Variants in APBB2 observed in about 807,000 individuals in gnomAD.
APBB2 encodes the protein amyloid beta precursor protein binding family B member 2.
A neutral mutation model predicts 82.5 loss-of-function variants in APBB2; 38 were observed. The observed-to-expected ratio is 0.46, with a 90% CI of 0.36 to 0.60. APBB2 has a LOEUF of 0.60. Among genes scored for constraint, APBB2 ranks in the 20% least tolerant of loss-of-function variants. APBB2 has a pLI of 0.00. For missense variants in APBB2, 772 were observed against 972.3 expected, an observed-to-expected ratio of 0.79 and a Z score of 2.74; for synonymous variants, 341 against 368.2, an observed-to-expected ratio of 0.93 and a Z score of 0.85.
At chr4:41,024,966 C>T (rs764413181) in intron 5 of APBB2, among the ~76,000 whole-genome samples, 50 of 152,328 alleles carry the variant, frequency 3.3e-4, no homozygotes, top group Admixed American at 2.2e-3. Context: ...CTTGCTTTCA[C>T]GCCACTACGA....
At chr4:41,015,582 G>A (rs769968203) in intron 5 of APBB2, among the ~76,000 whole-genome samples, 10 of 152,122 alleles carry the variant, frequency 6.6e-5, no homozygotes, top group Non-Finnish European at 1.0e-4. Context: ...CTTAGGTTGG[G>A]CAATTTTAGA....
At chr4:40,964,994 C>G (rs6840631) in intron 6 of APBB2, among the ~76,000 whole-genome samples, 35,748 of 151,892 alleles carry the variant, frequency 0.24, 4,527 homozygotes, top group Non-Finnish European at 0.26. Context: ...GTGGCACGTG[C>G]CTGTAGTCCC....
At chr4:41,058,619 T>G (rs554191414) in intron 4 of APBB2, among the ~76,000 whole-genome samples, 2 of 152,310 alleles carry the variant, frequency 1.3e-5, no homozygotes, top group African/African-American at 4.8e-5. Context: ...GATAAGACTA[T>G]GCTACACTAC....
intron 5 of APBB2, among the ~76,000 whole-genome samples, chr4:41,020,983 C>G (rs1811328820): frequency 6.6e-6 from 1 of 152,218 alleles, no homozygotes; most frequent in Non-Finnish European, 1.5e-5. Context: ...CTTTCAAACT[C>G]TTATACCAAC....
chr4:40,936,857 G>A (rs1339030153), intron 7 of APBB2, among the ~76,000 whole-genome samples: 3 of 152,136 alleles, frequency 2.0e-5, no homozygotes, highest in Non-Finnish European at 1.5e-5. Context: ...ATCTTAACCT[G>A]TTAGCTCGGA....
At chr4:41,155,204 T>G (rs1214374334) in intron 1 of APBB2, among the ~76,000 whole-genome samples, 1 of 152,250 alleles carries the variant, frequency 6.6e-6, no homozygotes, top group Non-Finnish European at 1.5e-5. Context: ...TTTCTCAAAT[T>G]CTGAAACCTA....
intron 3 of APBB2, among the ~76,000 whole-genome samples, chr4:41,094,762 G>A (rs984515894): frequency 1.3e-5 from 2 of 151,968 alleles, no homozygotes; most frequent in African/African-American, 4.8e-5. Context: ...ACGGGGTTTC[G>A]CTATGTTGGC....
intron 6 of APBB2, among the ~76,000 whole-genome samples, chr4:40,960,954 C>T (rs1277806536): frequency 7.2e-6 from 1 of 139,748 alleles, no homozygotes; most frequent in African/African-American, 2.8e-5. Context: ...TTCCAAGAGC[C>T]CTCCTTTAAA....
At chr4:41,143,548 GA>G (rs1759823765) in intron 1 of APBB2, among the ~76,000 whole-genome samples, 1 of 152,164 alleles carries the variant, frequency 6.6e-6, no homozygotes. Context: ...CTTAGGAACT[GA>G]AACAGAAAAT....
intron 1 of APBB2, among the ~76,000 whole-genome samples, chr4:41,188,795 T>A (rs1376683479): frequency 6.6e-6 from 1 of 152,030 alleles, no homozygotes; most frequent in Non-Finnish European, 1.5e-5. Context: ...GTGCCTGTAG[T>A]CTGGGCTACT....
chr4:41,074,271 G>T (rs3098914), intron 3 of APBB2, among the ~76,000 whole-genome samples: 46,030 of 151,930 alleles, frequency 0.3, 8,248 homozygotes, highest in African/African-American at 0.5. Flanking sequence ...AAATAATCTG[G>T]TCATTAAATC....
At chr4:41,152,103 A>C (rs1016784702) in intron 1 of APBB2, among the ~76,000 whole-genome samples, 11 of 151,864 alleles carry the variant, frequency 7.2e-5, no homozygotes, top group Non-Finnish European at 1.6e-4. Context: ...TAGTTCACCT[A>C]TTTCTAATCT....
chr4:40,945,457 G>T (rs984121658), intron 6 of APBB2, among the ~76,000 whole-genome samples: 1 of 151,126 alleles, frequency 6.6e-6, no homozygotes, highest in Non-Finnish European at 1.5e-5. Context: ...AGATTTATTG[G>T]TTGGCATCAT....
At chr4:40,892,319 TA>T (rs1285489202) in intron 11 of APBB2, 1 of 152,120 alleles carries the variant, frequency 6.6e-6, no homozygotes, top group African/African-American at 2.4e-5. Context: ...CAGAAGAGGG[TA>T]AATGGCTTTT....
At chr4:41,176,033 T>C (rs1054230646) in intron 1 of APBB2, among the ~76,000 whole-genome samples, 1 of 152,108 alleles carries the variant, frequency 6.6e-6, no homozygotes, top group Non-Finnish European at 1.5e-5. Context: ...AAGACATGAA[T>C]GTAACATTTT....
chr4:41,016,651 C>CA (rs1364674558), intron 5 of APBB2, among the ~76,000 whole-genome samples: 2 of 150,072 alleles, frequency 1.3e-5, no homozygotes, highest in East Asian at 2.0e-4. Flanking sequence ...AACTCTGTCT[C>CA]AAAAAACAAA....
chr4:41,052,914 C>T (rs891890221), intron 4 of APBB2, among the ~76,000 whole-genome samples: 1 of 152,016 alleles, frequency 6.6e-6, no homozygotes, highest in Non-Finnish European at 1.5e-5. Flanking sequence ...CAGGCACCAG[C>T]CACTGCACTG....
chr4:41,166,376 CT>C (rs1372726991), intron 1 of APBB2, among the ~76,000 whole-genome samples: 1 of 151,098 alleles, frequency 6.6e-6, no homozygotes, highest in Non-Finnish European at 1.5e-5. Flanking sequence ...AAAAATGGAT[CT>C]GGATCTATGG....
chr4:41,165,532 T>A (rs927152477), intron 1 of APBB2, among the ~76,000 whole-genome samples: 1 of 152,174 alleles, frequency 6.6e-6, no homozygotes, highest in East Asian at 1.9e-4. Context: ...TACTTAGCTC[T>A]TTAGTAATGC....
Sources: allele counts gnomAD v4.1 joint callset (sites outside exome capture counted in the v4.1 genomes callset), GRCh38; gene constraint gnomAD v4.1.1; transcripts MANE v1.5; gene names NCBI Gene and HGNC (gene_info 2026-07-23, HGNC 2026-07-21).